Variants in AGAP1 observed in about 807,000 individuals in gnomAD.
AGAP1 encodes the protein ArfGAP with GTPase domain, ankyrin repeat and PH domain 1.
Under a neutral mutation model 105.3 loss-of-function variants are expected in AGAP1, and 29 were observed. The ratio of observed to expected loss-of-function variants is 0.28; its 90% CI spans 0.21 to 0.38. The LOEUF is 0.38. AGAP1 is among the 10% of genes least tolerant of loss of function. The pLI is 1.00. For synonymous variants in AGAP1, 509 were observed against 485.9 expected (o/e 1.05, Z -0.63); for missense variants, 998 against 1,165.1 (o/e 0.86, Z 2.09).
At chr2:235,869,130 TTGTC>T (rs1287667312) in intron 9 of AGAP1, among the ~76,000 whole-genome samples, 5 of 151,986 alleles carry the variant, frequency 3.3e-5, no homozygotes, top group Non-Finnish European at 5.9e-5. Flanking sequence ...AAGTTAAAAT[TTGTC>T]TGGTGGGTGA....
intron 1 of AGAP1, among the ~76,000 whole-genome samples, chr2:235,573,629 C>T (rs948943741): frequency 1.4e-4 from 22 of 152,292 alleles, no homozygotes; most frequent in African/African-American, 4.8e-4. Flanking sequence ...TAGAAGGAAG[C>T]GTATGGAAGA....
intron 1 of AGAP1, among the ~76,000 whole-genome samples, chr2:235,641,378 G>T (rs1369566051): frequency 7.4e-6 from 1 of 135,838 alleles, no homozygotes; most frequent in Admixed American, 7.9e-5. Flanking sequence ...AAGTGTCCTG[G>T]TTGTGTTAGG....
At chr2:235,819,855 G>A (rs1454805535) in intron 9 of AGAP1, among the ~76,000 whole-genome samples, 1 of 151,298 alleles carries the variant, frequency 6.6e-6, no homozygotes, top group Non-Finnish European at 1.5e-5. Context: ...GTAGCACTAG[G>A]TAGCATAGGT....
intron 13 of AGAP1, among the ~76,000 whole-genome samples, chr2:235,999,669 ATGG>A (rs2056021327): frequency 6.8e-6 from 1 of 147,642 alleles, no homozygotes; most frequent in Admixed American, 6.7e-5. Context: ...GGTGGTGATG[ATGG>A]TGGTGGTGGT....
chr2:235,776,984 T>C (rs572546495), intron 6 of AGAP1: 1 of 471,148 alleles, frequency 2.1e-6, no homozygotes, highest in East Asian at 7.0e-5. Flanking sequence ...GAGTACATGG[T>C]GAGTTCCCAG....
At chr2:235,587,793 G>C (rs1945169499) in intron 1 of AGAP1, among the ~76,000 whole-genome samples, 1 of 151,666 alleles carries the variant, frequency 6.6e-6, no homozygotes, top group African/African-American at 2.4e-5. Context: ...TTTCACTTAA[G>C]TACGGGCTTA....
At chr2:235,918,240 C>T (rs2051998077) in intron 11 of AGAP1, among the ~76,000 whole-genome samples, 1 of 152,210 alleles carries the variant, frequency 6.6e-6, no homozygotes, top group Non-Finnish European at 1.5e-5. Flanking sequence ...CCTTCTAGCA[C>T]CTTGGTAGAC....
At chr2:235,999,022 G>A (rs1417929045) in intron 13 of AGAP1, among the ~76,000 whole-genome samples, 6 of 150,806 alleles carry the variant, frequency 4.0e-5, no homozygotes, top group Admixed American at 6.6e-5. Context: ...GAGAGTTAAT[G>A]GTGGTGGTGG....
intron 7 of AGAP1, 81 bp downstream of exon 7, chr2:235,797,967 G>T: frequency 7.5e-6 from 11 of 1,459,840 alleles, no homozygotes; most frequent in Non-Finnish European, 1.0e-5. Context: ...TGCTAAGGTT[G>T]ATTTTTTTTT....
intron 1 of AGAP1, among the ~76,000 whole-genome samples, chr2:235,626,528 G>A (rs924745129): frequency 6.7e-6 from 1 of 150,120 alleles, no homozygotes; most frequent in Non-Finnish European, 1.5e-5. Context: ...AGTCTGGAAA[G>A]GCATACGCCA....
chr2:236,029,765 G>T (rs534281891), intron 13 of AGAP1, among the ~76,000 whole-genome samples: 2 of 148,808 alleles, frequency 1.3e-5, no homozygotes, highest in South Asian at 2.1e-4. Context: ...CTTTCATAGG[G>T]TCTCACTCTT....
At chr2:235,881,080 AGTC>A (rs2049998991) in intron 9 of AGAP1, among the ~76,000 whole-genome samples, 1 of 152,220 alleles carries the variant, frequency 6.6e-6, no homozygotes, top group Non-Finnish European at 1.5e-5. Flanking sequence ...CATCTTCTAA[AGTC>A]GTTTCAAACT....
chr2:235,803,687 G>A (rs539597951), intron 8 of AGAP1, among the ~76,000 whole-genome samples: 1 of 152,204 alleles, frequency 6.6e-6, no homozygotes, highest in East Asian at 1.9e-4. Context: ...CTAACATTTT[G>A]TGCTCCCAGA....
chr2:236,004,094 G>C (rs2056232856), intron 13 of AGAP1, among the ~76,000 whole-genome samples: 1 of 152,124 alleles, frequency 6.6e-6, no homozygotes, highest in Admixed American at 6.6e-5. Flanking sequence ...CTGGATGCCT[G>C]AGTGACTGCA....
Position 235,693,193 on chromosome 2 carries a change from G to T in AGAP1, c.164-15986G>T, listed in dbSNP as rs181149169. On this transcript the variant is annotated intron_variant, in intron 1 of 17. Transcript: ENST00000304032. ...TCCCGCCTGAGGGTTTGCTCAGCCG[G>T]CAGGCCTAGAGGAGGGGGCTTTGGG... Among the ~76,000 whole-genome samples the T allele has an allele frequency of 1.3e-3, 194 of 152,306 alleles. 1 individual carries two copies. In the Middle Eastern group the frequency reaches 0.014, roughly 11 times the overall value.
At position 235,797,784 on chromosome 2, in the gene AGAP1, G is replaced by C. The variant is rs1957309913; in HGVS notation, c.699G>C (p.Arg233Ser). The C allele has an allele frequency of 1.9e-6, 3 of 1,614,206 alleles. No homozygotes were observed. Among genetic ancestry groups the C allele is most frequent in the Non-Finnish European group, 2.5e-6 (3 of 1,180,042 alleles). The stretch of plus-strand genomic sequence containing the variant: ...TTGCCCAGAAGATTGTTGCCACAAG[G>C]AAGAAGCAGCAGCTGTCCATAGGAC... ...QDVAQKIVAT[R>S]KKQQLSIGPC... Residue 233 changes from arginine to serine, a missense_variant, in exon 7 of 18, where the codon AGG (arginine) becomes AGC (serine). Physicochemically the swap from Arg to Ser is moderately radical, Grantham distance 110. Around this residue, in one of 3 missense-constraint regions of AGAP1, gnomAD observed 735 missense variants for 833.4 expected, o/e 0.88. Transcript: ENST00000304032.
rs1944657572 is a variant in AGAP1, at chr2:235,574,053, G to A, written c.163+79204G>A. On this transcript the variant is annotated intron_variant, in intron 1 of 17. Coordinates refer to ENST00000304032, the MANE Select transcript of AGAP1 (RefSeq NM_001037131.3). This position sits in a 1 kb window ranked among gnomAD's most constrained non-coding sequence, Gnocchi z 5.0. ...CCCTGACTGTTAGCTGGTCAGGGAG[G>A]CAGGGCCTGGGTGCCTTGGGGCCTG... Among the ~76,000 whole-genome samples the A allele has an allele frequency of 6.6e-6, 1 of 152,212 alleles. No individual in the cohort carries two copies. The highest frequency in any genetic ancestry group is 1.5e-5 in the Non-Finnish European group (1 of 68,042).
chr2:236,029,184 T>C (rs915347402), intron 13 of AGAP1, among the ~76,000 whole-genome samples: 1 of 84,700 alleles, frequency 1.2e-5, no homozygotes, highest in African/African-American at 7.0e-5. Flanking sequence ...TTTTATTTAG[T>C]TTTTTTTTTT....
rs979531343 is a variant in AGAP1, at chr2:235,691,511, G to A, written c.164-17668G>A. ...ATTTAGTCGGATTCTGTGACTGGTC[G>A]TGAGTCCCTCTTCCTCCACACAGCA... On this transcript the variant is annotated intron_variant, in intron 1 of 17. Transcript: ENST00000304032. The surrounding 1 kb of genome is among the most constrained non-coding windows in gnomAD (Gnocchi z 4.4). 1.3e-5 allele frequency among the ~76,000 whole-genome samples: 2 copies of A among 152,222 alleles called. No homozygotes were observed. The highest frequency in any genetic ancestry group is 2.1e-4 in the South Asian group (1 of 4,828).
Sources: gnomAD v4.1 joint callset for allele counts (sites outside exome capture counted in the v4.1 genomes callset) on GRCh38, gnomAD v4.1.1 for gene constraint, gnomAD v4.1.1 regional missense constraint, Gnocchi (gnomAD v3.1) non-coding constraint, MANE v1.5 for transcripts, NCBI Gene and HGNC (gene_info 2026-07-23, HGNC 2026-07-21) for gene names.